The following C8B variants were observed in gnomAD, a reference collection of about 807,000 sequenced individuals.
C8B encodes the protein complement C8 beta chain, also known as complement component C8 beta chain.
Under a neutral mutation model 64.6 loss-of-function variants are expected in C8B, and 67 were observed. The ratio of observed to expected loss-of-function variants is 1.04; its 90% CI spans 0.85 to 1.27. C8B has a LOEUF of 1.27. Ranked by LOEUF, C8B falls within the 50% of genes most tolerant of loss-of-function variation. C8B has a pLI of 0.00. For synonymous variants in C8B, 284 were observed against 257.7 expected (o/e 1.10, Z -0.98); for missense variants, 790 against 725.2 (o/e 1.09, Z -1.03).
chr1:56,962,000 A>G (rs186594439), intron 1 of C8B, among the ~76,000 whole-genome samples: 1 of 152,312 alleles, frequency 6.6e-6, no homozygotes, highest in East Asian at 1.9e-4. Flanking sequence ...TCTCCTAAGT[A>G]TGTATTTGAC....
rs1056820007 is a variant in C8B, at chr1:56,946,147, T to C, written c.865-86A>G. On this transcript the variant is annotated intron_variant, in intron 6 of 11. Transcript: ENST00000371237. ...GATGAACTTTACAAATACCATCCGATGTTCTTGGCCTGGGGTCATCACTCT... is the reference window on the plus strand; with the variant it reads ...GATGAACTTTACAAATACCATCCGACGTTCTTGGCCTGGGGTCATCACTCT... The C allele has an allele frequency of 4.6e-6, 7 of 1,520,284 alleles. No individual in the cohort carries two copies. In the African/African-American group the frequency reaches 8.2e-5, roughly 18 times the overall value. The allele number at this position is 1,520,284 out of a possible 1,614,324, so 94.2% of individuals were successfully genotyped here. A position where few individuals can be genotyped will look rare whatever the true frequency, so the allele number is the denominator to read the frequency against.
intron 2 of C8B, 76 bp from the exon 3 acceptor site, chr1:56,956,986 G>A (rs1645113719): frequency 6.4e-7 from 1 of 1,552,870 alleles, no homozygotes; most frequent in Non-Finnish European, 8.9e-7. Flanking sequence ...CTGTGTAAAT[G>A]GGTCTTGAGC....
chr1:56,944,952 T>A (rs1171279203), intron 7 of C8B, among the ~76,000 whole-genome samples: 3 of 152,138 alleles, frequency 2.0e-5, no homozygotes, highest in Non-Finnish European at 2.9e-5. Flanking sequence ...TGTAGTTGAC[T>A]GGAATTGGAA....
chr1:56,942,182 A>T (rs1644872844), intron 8 of C8B, among the ~76,000 whole-genome samples: 1 of 152,256 alleles, frequency 6.6e-6, no homozygotes, highest in African/African-American at 2.4e-5. Context: ...GGTACTTACC[A>T]GACGGCCCTG....
chr1:56,939,550 A>G (rs622904), intron 9 of C8B, among the ~76,000 whole-genome samples: 1 of 152,044 alleles, frequency 6.6e-6, no homozygotes, highest in African/African-American at 2.4e-5. Flanking sequence ...CTGTACAGAC[A>G]TTAGCAAGAA....
At chr1:56,949,797 A>G (rs776556980) in intron 5 of C8B, 45 bp from the exon 6 acceptor site, 4 of 1,342,318 alleles carry the variant, frequency 3.0e-6, no homozygotes, top group South Asian at 2.5e-5. Context: ...TTTGACTCAA[A>G]TCAGTTCAAT....
intron 9 of C8B, among the ~76,000 whole-genome samples, chr1:56,940,574 A>AAAG (rs35770073): frequency 0.84 from 127,804 of 151,268 alleles, 54,234 homozygotes; most frequent in South Asian, 0.96. Flanking sequence ...TGTCTCTAGA[A>AAAG]AAGAAGAAGA....
At chr1:56,959,352 T>C (rs1375102932) in intron 2 of C8B, among the ~76,000 whole-genome samples, 1 of 152,222 alleles carries the variant, frequency 6.6e-6, no homozygotes, top group Non-Finnish European at 1.5e-5. Flanking sequence ...ATGTGATAAA[T>C]GTGAGGATAC....
intron 5 of C8B, 36 bp downstream of exon 5, chr1:56,952,012 T>C (rs544789584): frequency 2.7e-5 from 44 of 1,612,504 alleles, no homozygotes; most frequent in Non-Finnish European, 3.7e-5. Flanking sequence ...GGTGCTCAGC[T>C]GGGGCTCCCT....
intron 8 of C8B, 123 bp from the exon 9 acceptor site, chr1:56,941,135 G>C (rs1309185644): frequency 2.7e-6 from 3 of 1,092,126 alleles, no homozygotes; most frequent in Admixed American, 2.0e-5. Context: ...GATGTGGGTG[G>C]ACCAGACACT....
chr1:56,960,273 C>T, intron 1 of C8B, 97 bp from the exon 2 acceptor site: 1 of 1,161,040 alleles, frequency 8.6e-7, no homozygotes, highest in South Asian at 1.2e-5. Flanking sequence ...TATATTTGCT[C>T]ACTTGTGCAA....
chr1:56,952,223 G>A (rs777143510), intron 4 of C8B, 43 bp from the exon 5 acceptor site: 23 of 1,611,992 alleles, frequency 1.4e-5, no homozygotes, highest in Middle Eastern at 1.6e-4. Flanking sequence ...TAAAGTTTGC[G>A]GTTGCTTAAT....
chr1:56,952,196 A>G lies in C8B; in HGVS notation c.534-16T>C, dbSNP rs1198266962. 6 of 1,613,912 alleles carry G rather than the reference A, an allele frequency of 3.7e-6. No individual in the cohort carries two copies. The highest frequency in any genetic ancestry group is 4.2e-6 in the Non-Finnish European group (5 of 1,180,002). On this transcript the variant is annotated splice_polypyrimidine_tract_variant and intron_variant, in intron 4 of 11. Transcript: ENST00000371237. Reference sequence around the variant, plus strand: ...CAAATTTATCCTGTGAGGAAGAGACAGAGATGGCGAAGAGGTTAAAGTTTG... The same window carrying G: ...CAAATTTATCCTGTGAGGAAGAGACGGAGATGGCGAAGAGGTTAAAGTTTG...
chr1:56,964,876 T>C (rs1470086454), intron 1 of C8B, among the ~76,000 whole-genome samples: 1 of 152,172 alleles, frequency 6.6e-6, no homozygotes, highest in East Asian at 1.9e-4. Flanking sequence ...GTACACACAG[T>C]ACACACAAGG....
At chr1:56,946,177 A>C (rs948657711) in intron 6 of C8B, 116 bp from the exon 7 acceptor site, 2 of 1,196,768 alleles carry the variant, frequency 1.7e-6, no homozygotes, top group Non-Finnish European at 1.2e-6. Context: ...CACTCTTATG[A>C]TTCCTTTAGG....
chr1:56,965,800 G>A, intron 1 of C8B, 57 bp downstream of exon 1: 1 of 1,582,612 alleles, frequency 6.3e-7, no homozygotes. Context: ...AGCATCATGT[G>A]GCTGCACCTT....
chr1:56,933,336 T>C lies in C8B; in HGVS notation c.1551A>G (p.Lys517=). 1 of 1,613,658 alleles carries C rather than the reference T, an allele frequency of 6.2e-7. No individual in the cohort carries two copies. Among genetic ancestry groups the C allele is most frequent in the Non-Finnish European group, 8.5e-7 (1 of 1,179,640 alleles). ...ACACCAGCTGCCTGAAAGTGGTACC[T>C]TTCAGGACAGGGACTCCATTTCCTT... The part of the protein sequence containing the change: ...PCQGNGVPVL[K]GSRCDCICPV... Residue 517 remains lysine (K), a splice_region_variant and synonymous_variant, in exon 10 of 12, where the codon AAA becomes AAG. Coordinates refer to ENST00000371237, the MANE Select transcript of C8B (RefSeq NM_000066.4).
chr1:56,937,435 A>G (rs1570375994), intron 9 of C8B, among the ~76,000 whole-genome samples: 1 of 152,300 alleles, frequency 6.6e-6, no homozygotes, highest in East Asian at 1.9e-4. Flanking sequence ...TCTCTGCATC[A>G]TGACCTATGC....
rs552933632 is a variant in C8B at position 56,947,768 on chromosome 1, A to G, written c.865-1707T>C. Among the ~76,000 whole-genome samples the G allele has an allele frequency of 2.9e-4, 44 of 149,734 alleles. 1 individual carries two copies. The highest frequency in any genetic ancestry group is 1.1e-3 in the African/African-American group (42 of 39,744). ...AACATGGTGAAACCCCGTCTCTACT[A>G]AAAATACAAAAAATTAGCTGAGCAT... On this transcript the variant is annotated intron_variant, in intron 6 of 11. Coordinates refer to ENST00000371237, the MANE Select transcript of C8B (RefSeq NM_000066.4).
Sources: allele counts gnomAD v4.1 joint callset (sites outside exome capture counted in the v4.1 genomes callset), GRCh38; gene constraint gnomAD v4.1.1; transcripts MANE v1.5; gene names NCBI Gene and HGNC (gene_info 2026-07-23, HGNC 2026-07-21).